Variants in STK11 observed in about 807,000 individuals in gnomAD.
The protein encoded by STK11 is serine/threonine-protein kinase STK11.
Under a neutral mutation model 47.3 loss-of-function variants are expected in STK11, and 8 were observed. That is an observed-to-expected ratio of 0.17 (90% CI 0.10 to 0.31). The LOEUF (loss-of-function observed/expected upper bound fraction) is 0.31. STK11 is among the 10% of genes least tolerant of loss of function. The pLI is 1.00. For missense variants in STK11, 475 were observed against 605.0 expected (o/e 0.79, Z 2.25); for synonymous variants, 330 against 255.8 (o/e 1.29, Z -2.77).
intron 8 of STK11, 66 bp downstream of exon 8, chr19:1,223,238 T>C: frequency 6.5e-7 from 1 of 1,535,662 alleles, no homozygotes; most frequent in Non-Finnish European, 8.8e-7. Flanking sequence ...GGGAGCAGGG[T>C]GCCTGCCTGT....
chr19:1,228,193 G>C lies in STK11; in HGVS notation c.*617G>C. ...CGCCTTTGCGCTCTCGGGTCACCCT[G>C]CTTTGGCGGCCCGGCCGGAGGGCAG... On this transcript the variant is annotated 3_prime_UTR_variant, in exon 10 of 10. Coordinates refer to ENST00000326873, the MANE Select transcript of STK11 (RefSeq NM_000455.5). The C allele has an allele frequency of 8.9e-6, 9 of 1,012,680 alleles. No homozygotes were observed. The highest frequency in any genetic ancestry group is 1.1e-5 in the Non-Finnish European group (9 of 831,348). 62.7% of individuals were successfully genotyped at this position (1,012,680 alleles called of 1,614,324 possible).
In STK11 at chr19:1,226,463, C is replaced by T. The variant is rs876661153; in HGVS notation, c.1118C>T (p.Pro373Leu). The change falls in exon 9 of 10, where the codon CCA becomes CTA. Residue 373 changes from proline (P) to leucine (L), a missense_variant. By Grantham distance (98) the Pro-to-Leu change is moderately conservative. Around this residue, in one of 5 missense-constraint regions of STK11, gnomAD observed 219 missense variants for 189.2 expected, o/e 1.16. Coordinates refer to ENST00000326873, the MANE Select transcript of STK11 (RefSeq NM_000455.5). Reference sequence around the variant, plus strand: ...GCCGTCTCCCTCCCAGGACAGGTCCCAGAAGAGGAGGCCAGTCACAATGGA... The same window carrying T: ...GCCGTCTCCCTCCCAGGACAGGTCCTAGAAGAGGAGGCCAGTCACAATGGA... ...TQDFTVPGQVPEEEASHNGQR... is the reference protein window; with the variant it reads ...TQDFTVPGQVLEEEASHNGQR... 7 of 1,610,806 alleles carry T rather than the reference C, an allele frequency of 4.3e-6. No individual in the cohort carries two copies. The East Asian group carries it at 6.7e-5, about 15-fold the overall frequency.
rs369515604 is a variant in STK11, at chr19:1,219,452, C to A, written c.464+39C>A. ...GCAGGGGCCAGGGTGGGGCGGGGGC[C>A]GGGGGCCAGGCAGGGCAGGCTCCTT... On this transcript the variant is annotated intron_variant, in intron 3 of 9. Transcript: ENST00000326873. 16 of 1,514,568 alleles carry A rather than the reference C, an allele frequency of 1.1e-5. 2 individuals carry two copies. The African/African-American group carries it at 2.0e-4, about 18-fold the overall frequency. 93.8% of individuals were successfully genotyped at this position (1,514,568 alleles called of 1,614,324 possible).
At chr19:1,226,969 C>T (rs1025242901) in intron 9 of STK11, 1 of 386,254 alleles carries the variant, frequency 2.6e-6, no homozygotes, top group East Asian at 5.2e-5. Flanking sequence ...GGGCCTGGCG[C>T]CCCCTCCCCA....
At chr19:1,222,592 T>C (rs1279588225) in intron 7 of STK11, among the ~76,000 whole-genome samples, 2 of 151,798 alleles carry the variant, frequency 1.3e-5, no homozygotes, top group East Asian at 3.9e-4. Context: ...GCCTTGGGGG[T>C]CTCTGCACAG....
chr19:1,206,501 G>A lies in STK11; in HGVS notation c.-413G>A, dbSNP rs1053799713. 2 of 258,910 alleles carry A rather than the reference G, an allele frequency of 7.7e-6. No homozygotes were observed. Among genetic ancestry groups the A allele is most frequent in the South Asian group, 1.2e-4 (1 of 8,098 alleles). The allele number at this position is 258,910 out of a possible 1,614,324, so 16.0% of individuals were successfully genotyped here. On this transcript the variant is annotated 5_prime_UTR_variant, in exon 1 of 10. Coordinates refer to ENST00000326873, the MANE Select transcript of STK11 (RefSeq NM_000455.5). The stretch of plus-strand genomic sequence containing the variant: ...GGGCGGCCCGGAGAAGACTGCGCTC[G>A]GCCGTGTTCATACTTGTCCGTGGGC...
chr19:1,224,336 G>A, intron 8 of STK11: 1 of 985,410 alleles, frequency 1.0e-6, no homozygotes, highest in Non-Finnish European at 1.2e-6. Context: ...CATCGCGTCT[G>A]GTCTGTTGGA....
At chr19:1,214,991 A>T (rs2080735909) in intron 1 of STK11, among the ~76,000 whole-genome samples, 1 of 152,226 alleles carries the variant, frequency 6.6e-6, no homozygotes, top group Non-Finnish European at 1.5e-5. Context: ...ATCTCCTCTG[A>T]ATAGAAGGCA....
At chr19:1,220,318 C>T (rs1951401665) in intron 3 of STK11, 55 bp from the exon 4 acceptor site, 1 of 1,559,958 alleles carries the variant, frequency 6.4e-7, no homozygotes, top group Non-Finnish European at 8.7e-7. Context: ...GCAAAGGGGA[C>T]CCCTGTGAGG....
At position 1,220,566 on chromosome 19, in the gene STK11, A is replaced by C. The variant is rs2145424943; in HGVS notation, c.598-15A>C. The C allele has an allele frequency of 1.3e-6, 2 of 1,574,428 alleles. No individual in the cohort carries two copies. Among genetic ancestry groups the C allele is most frequent in the Non-Finnish European group, 1.7e-6 (2 of 1,158,000 alleles). ...CTCCCGGGCACTCCCTGAGGGCTGC[A>C]CGGCACCGCCACAGGCACTGCACCC... On this transcript the variant is annotated splice_polypyrimidine_tract_variant and intron_variant, in intron 4 of 9. Coordinates refer to ENST00000326873, the MANE Select transcript of STK11 (RefSeq NM_000455.5).
intron 8 of STK11, chr19:1,224,659 A>G: frequency 1.0e-6 from 1 of 985,608 alleles, no homozygotes; most frequent in Non-Finnish European, 1.2e-6. Context: ...GGGGACCCTC[A>G]GGCCTGTGTG....
intron 8 of STK11, chr19:1,223,668 G>T: frequency 9.5e-7 from 1 of 1,055,992 alleles, no homozygotes; most frequent in South Asian, 4.2e-5. Flanking sequence ...GCAGGGCTTA[G>T]AGCGGAGCGC....
rs903142806 is a variant in STK11, at chr19:1,228,059, CTTTT to C, written c.*491_*494del. 3 of 835,854 alleles carry C rather than the reference CTTTT, an allele frequency of 3.6e-6. No individual in the cohort carries two copies. The South Asian group carries it at 1.7e-4, about 48-fold the overall frequency. The allele number at this position is 835,854 out of a possible 1,614,324, so 51.8% of individuals were successfully genotyped here. On this transcript the variant is annotated 3_prime_UTR_variant, in exon 10 of 10. Coordinates refer to ENST00000326873, the MANE Select transcript of STK11 (RefSeq NM_000455.5). Reference sequence around the variant, plus strand: ...TTGGTTGGTTCCATTTTCTTTTTTTCTTTTTTTTTTTAAGAAAAAATAAAAGGTG... The same window carrying C: ...TTGGTTGGTTCCATTTTCTTTTTTTCTTTTTTTAAGAAAAAATAAAAGGTG...
At chr19:1,221,788 T>A (rs1599928145) in intron 6 of STK11, 161 bp from the exon 7 acceptor site, 2 of 735,454 alleles carry the variant, frequency 2.7e-6, no homozygotes, top group African/African-American at 3.5e-5. Context: ...GTCCCAGGAG[T>A]GGAGTGGCCT....
chr19:1,206,836 G>T lies in STK11; in HGVS notation c.-78G>T. On this transcript the variant is annotated 5_prime_UTR_variant, in exon 1 of 10. Coordinates refer to ENST00000326873, the MANE Select transcript of STK11 (RefSeq NM_000455.5). ...TTTTCTTTGTAAAATTTTGGAGAAGGGAAGTCGGAACACAAGGAAGGACCG... is the reference window on the plus strand; with the variant it reads ...TTTTCTTTGTAAAATTTTGGAGAAGTGAAGTCGGAACACAAGGAAGGACCG... The T allele has an allele frequency of 6.9e-7, 1 of 1,455,312 alleles. No individual in the cohort carries two copies. The highest frequency in any genetic ancestry group is 1.4e-5 in the South Asian group (1 of 72,582). The allele number at this position is 1,455,312 out of a possible 1,614,324, so 90.1% of individuals were successfully genotyped here.
chr19:1,220,320 C>G (rs1332505065), intron 3 of STK11, 53 bp from the exon 4 acceptor site: 6 of 1,564,470 alleles, frequency 3.8e-6, no homozygotes, highest in Non-Finnish European at 5.2e-6. Flanking sequence ...AAAGGGGACC[C>G]CTGTGAGGGG....
At chr19:1,209,439 C>T (rs377264665) in intron 1 of STK11, among the ~76,000 whole-genome samples, 5 of 151,906 alleles carry the variant, frequency 3.3e-5, no homozygotes, top group African/African-American at 4.8e-5. Flanking sequence ...AAAAGTTAGC[C>T]GAGTGTGGTG....
intron 1 of STK11, among the ~76,000 whole-genome samples, chr19:1,217,680 C>T (rs2080753694): frequency 6.6e-6 from 1 of 152,174 alleles, no homozygotes; most frequent in Non-Finnish European, 1.5e-5. Context: ...TATGGGCCAT[C>T]CTTCCAGCTC....
Position 1,206,764 on chromosome 19 carries a change from G to A in STK11, c.-150G>A, listed in dbSNP as rs1453851790. On this transcript the variant is annotated 5_prime_UTR_variant, in exon 1 of 10. Coordinates refer to ENST00000326873, the MANE Select transcript of STK11 (RefSeq NM_000455.5). Reference sequence around the variant, plus strand: ...AGAACAATCGTTTCTGTTGGAAGAAGGGTTTTTCCCTTCCTTTTGGGGTTT... The same window carrying A: ...AGAACAATCGTTTCTGTTGGAAGAAAGGTTTTTCCCTTCCTTTTGGGGTTT... 12 of 1,024,356 alleles carry A rather than the reference G, an allele frequency of 1.2e-5. No individual in the cohort carries two copies. Among genetic ancestry groups the A allele is most frequent in the African/African-American group, 3.2e-5 (2 of 61,674 alleles). The allele number at this position is 1,024,356 out of a possible 1,614,324, so 63.5% of individuals were successfully genotyped here. A position where few individuals can be genotyped will look rare whatever the true frequency, so the allele number is the denominator to read the frequency against.
Sources: allele counts gnomAD v4.1 joint callset (sites outside exome capture counted in the v4.1 genomes callset), GRCh38; gene constraint gnomAD v4.1.1; regional missense constraint gnomAD v4.1.1; transcripts MANE v1.5; gene names NCBI Gene and HGNC (gene_info 2026-07-23, HGNC 2026-07-21).